The following TATDN1 variants were observed in gnomAD, a reference collection of about 807,000 sequenced individuals.
TATDN1 encodes the protein TatD DNase domain containing 1.
TATDN1 carries 40 observed loss-of-function variants against 46.4 expected under a neutral mutation model. That is an observed-to-expected ratio of 0.86 (90% confidence interval 0.67 to 1.12). The LOEUF is 1.12. Among genes scored for constraint, TATDN1 ranks in the 50% most tolerant of loss-of-function variants. TATDN1 has a pLI of 0.00. For missense variants in TATDN1, 326 were observed against 348.4 expected (o/e 0.94, Z 0.51); for synonymous variants, 95 against 105.6 (o/e 0.90, Z 0.62).
At position 124,508,618 on chromosome 8, in the gene TATDN1, G is replaced by GT. The variant is rs1818719298; in HGVS notation, c.459dup (p.His154ThrfsTer3). On this transcript the variant is annotated frameshift_variant, in exon 7 of 12. Transcript: ENST00000276692. LOFTEE classifies it high-confidence loss of function. ...TTTAACTCACCCAAAAATTCAGCATGTGAGTTTCGACAATGAAGAAACATT... is the reference window on the plus strand; with the variant it reads ...TTTAACTCACCCAAAAATTCAGCATGTTGAGTTTCGACAATGAAGAAACATT... 6.2e-7 allele frequency: 1 copy of GT among 1,604,702 alleles called. No homozygotes were observed. The highest frequency in any genetic ancestry group is 8.5e-7 in the Non-Finnish European group (1 of 1,175,576).
intron 1 of TATDN1, among the ~76,000 whole-genome samples, chr8:124,525,308 G>T (rs577557959): frequency 1.8e-4 from 27 of 152,120 alleles, no homozygotes; most frequent in African/African-American, 6.5e-4. Flanking sequence ...ACCACACCCA[G>T]CTAATTTTTT....
chr8:124,488,515 T>C lies in TATDN1; in HGVS notation c.*79A>G. 1 of 724,630 alleles carries C rather than the reference T, an allele frequency of 1.4e-6. No homozygotes were observed. Among genetic ancestry groups the C allele is most frequent in the Non-Finnish European group, 2.4e-6 (1 of 421,102 alleles). 44.9% of individuals were successfully genotyped at this position (724,630 alleles called of 1,614,324 possible). A position where few individuals can be genotyped will look rare whatever the true frequency, so the allele number is the denominator to read the frequency against. ...AGTATTTCTTTAGACAACTTGCAGA[T>C]AATTTCTTTATTGAAACTATCAGGA... On this transcript the variant is annotated 3_prime_UTR_variant, in exon 12 of 12. Coordinates refer to ENST00000276692, the MANE Select transcript of TATDN1 (RefSeq NM_032026.4).
Position 124,488,542 on chromosome 8 carries a change from GT to G in TATDN1, c.*51del, listed in dbSNP as rs917592068. The G allele has an allele frequency of 1.5e-5, 14 of 955,890 alleles. No homozygotes were observed. Among genetic ancestry groups the G allele is most frequent in the Non-Finnish European group, 3.3e-6 (2 of 613,092 alleles). The allele number at this position is 955,890 out of a possible 1,614,324, so 59.2% of individuals were successfully genotyped here. On this transcript the variant is annotated 3_prime_UTR_variant, in exon 12 of 12. Transcript: ENST00000276692. The stretch of plus-strand genomic sequence containing the variant: ...ATTTCTTTATTGAAACTATCAGGAA[GT>G]TTTACTATGAAATTTTACATACATG...
intron 11 of TATDN1, among the ~76,000 whole-genome samples, chr8:124,490,787 C>T (rs1486726824): frequency 1.3e-5 from 2 of 150,806 alleles, no homozygotes; most frequent in Non-Finnish European, 2.9e-5. Context: ...TACACTGTGG[C>T]CCAAGCTGGA....
chr8:124,530,914 G>C (rs1328925802), intron 1 of TATDN1, among the ~76,000 whole-genome samples: 1 of 152,154 alleles, frequency 6.6e-6, no homozygotes, highest in Non-Finnish European at 1.5e-5. Context: ...TGTAGAGACT[G>C]GCACCAACTT....
intron 10 of TATDN1, chr8:124,494,540 G>A (rs1045017004): frequency 6.6e-6 from 1 of 152,172 alleles, no homozygotes; most frequent in East Asian, 1.9e-4. Context: ...AAAAGTTTTA[G>A]CTTTTCACCT....
At chr8:124,499,608 ATC>A (rs1346791586) in intron 9 of TATDN1, among the ~76,000 whole-genome samples, 2 of 151,494 alleles carry the variant, frequency 1.3e-5, no homozygotes, top group African/African-American at 4.9e-5. Context: ...TCAGTGGGTG[ATC>A]TCGGCTCTCT....
At chr8:124,535,013 A>T (rs371538377) in intron 1 of TATDN1, among the ~76,000 whole-genome samples, 54 of 152,348 alleles carry the variant, frequency 3.5e-4, no homozygotes, top group Middle Eastern at 3.4e-3. Context: ...TGTAGGTATG[A>T]TTGATTAAAT....
intron 9 of TATDN1, among the ~76,000 whole-genome samples, chr8:124,496,288 A>G (rs1420752533): frequency 6.6e-6 from 1 of 152,174 alleles, no homozygotes; most frequent in Non-Finnish European, 1.5e-5. Flanking sequence ...CACTCTCAAA[A>G]TTCTACACCA....
rs552484715 is a variant in TATDN1, at chr8:124,527,558, G to A, written c.23-4556C>T. Reference sequence around the variant, plus strand: ...GGTATCGGTTAGTGAGGAAGGGGGTGTACTGAGGTGTGACCAAACTCTCAT... The same window carrying A: ...GGTATCGGTTAGTGAGGAAGGGGGTATACTGAGGTGTGACCAAACTCTCAT... On this transcript the variant is annotated intron_variant, in intron 1 of 11. Transcript: ENST00000276692. Among the ~76,000 whole-genome samples, 12 of 152,098 alleles carry A rather than the reference G, an allele frequency of 7.9e-5. No individual in the cohort carries two copies. The South Asian group carries it at 2.5e-3, about 32-fold the overall frequency.
At chr8:124,532,234 G>A (rs7010902) in intron 1 of TATDN1, among the ~76,000 whole-genome samples, 13,635 of 152,194 alleles carry the variant, frequency 0.09, 774 homozygotes, top group Non-Finnish European at 0.13. Flanking sequence ...CTATGATAAC[G>A]GCTAGGGCTC....
chr8:124,536,796 G>A (rs1426814975), intron 1 of TATDN1, among the ~76,000 whole-genome samples: 1 of 151,978 alleles, frequency 6.6e-6, no homozygotes, highest in East Asian at 1.9e-4. Context: ...TTAGTCTAGC[G>A]ATTCATGGGC....
At position 124,492,221 on chromosome 8, in the gene TATDN1, T is replaced by A. The variant is rs545910738; in HGVS notation, c.791+1612A>T. On this transcript the variant is annotated intron_variant, in intron 11 of 11. Transcript: ENST00000276692. ...AGCACCTGACCTCAGGTGATCCGCCTGCCTTGGCCTCCCAAAGTGCTGGGA... is the reference window on the plus strand; with the variant it reads ...AGCACCTGACCTCAGGTGATCCGCCAGCCTTGGCCTCCCAAAGTGCTGGGA... 1.2e-3 allele frequency among the ~76,000 whole-genome samples: 177 copies of A among 152,236 alleles called. 3 individuals carry two copies. Among genetic ancestry groups the A allele is most frequent in the East Asian group, 7.2e-3 (37 of 5,140 alleles).
intron 1 of TATDN1, among the ~76,000 whole-genome samples, chr8:124,531,348 T>C (rs1250190621): frequency 2.6e-5 from 4 of 152,166 alleles, no homozygotes; most frequent in Non-Finnish European, 5.9e-5. Flanking sequence ...CAAGGACAGG[T>C]TAAGTTTCTG....
intron 1 of TATDN1, chr8:124,523,308 G>A (rs2131528919): frequency 7.4e-6 from 2 of 270,216 alleles, no homozygotes; most frequent in East Asian, 9.2e-5. Flanking sequence ...ACCTAGTCTG[G>A]TGGCTGGCTC....
intron 1 of TATDN1, among the ~76,000 whole-genome samples, chr8:124,534,982 GT>G (rs1189912672): frequency 6.6e-6 from 1 of 152,202 alleles, no homozygotes; most frequent in Non-Finnish European, 1.5e-5. Flanking sequence ...ACATGTATGG[GT>G]TTTTATAGAG....
At chr8:124,507,790 A>AC (rs533192379) in intron 8 of TATDN1, among the ~76,000 whole-genome samples, 1 of 151,878 alleles carries the variant, frequency 6.6e-6, no homozygotes, top group Non-Finnish European at 1.5e-5. Context: ...TAACCAAAAA[A>AC]AAAAAAAAAC....
intron 1 of TATDN1, among the ~76,000 whole-genome samples, chr8:124,525,003 C>A (rs551418889): frequency 1.3e-5 from 2 of 152,212 alleles, no homozygotes; most frequent in Admixed American, 1.3e-4. Context: ...TTTATCTGGG[C>A]AGACAGAAAT....
At chr8:124,495,143 G>C in intron 10 of TATDN1, 1 of 317,464 alleles carries the variant, frequency 3.1e-6, no homozygotes, top group Non-Finnish European at 5.8e-6. Flanking sequence ...ACAAAATTCT[G>C]AACAGATTTT....
Sources: allele counts gnomAD v4.1 joint callset (sites outside exome capture counted in the v4.1 genomes callset), GRCh38; gene constraint gnomAD v4.1.1; transcripts MANE v1.5; gene names NCBI Gene and HGNC (gene_info 2026-07-23, HGNC 2026-07-21).